ACSF3: variants seen among roughly 807,000 people sequenced by gnomAD.
The protein encoded by ACSF3 is acyl-CoA synthetase family member 3.
In ACSF3, 78 loss-of-function variants were observed where a neutral mutation model predicts 53.2. That is an observed-to-expected ratio of 1.47 (90% confidence interval 1.22 to 1.77). The LOEUF (loss-of-function observed/expected upper bound fraction) is 1.77, where lower values mean the gene tolerates loss of function less well. Ranked by LOEUF, ACSF3 falls within the 40% of genes most tolerant of loss-of-function variation. ACSF3 has a pLI of 0.00. For synonymous variants in ACSF3, 414 were observed against 333.1 expected, an observed-to-expected ratio of 1.24 and a Z score of -2.65; for missense variants, 937 against 771.1, an observed-to-expected ratio of 1.22 and a Z score of -2.55.
At chr16:89,141,238 C>T (rs1042775087) in intron 8 of ACSF3, 1 of 1,287,134 alleles carries the variant, frequency 7.8e-7, no homozygotes, top group Non-Finnish European at 1.0e-6. Context: ...AAGAACAAAA[C>T]CAGCCACTTT....
rs1389431439 is a variant in ACSF3, at chr16:89,101,138, C to T, written c.457C>T (p.Leu153=). Residue 153 remains leucine (L), a synonymous_variant, in exon 3 of 11, where the codon CTG becomes TTG. Coordinates refer to ENST00000614302, the MANE Select transcript of ACSF3 (RefSeq NM_001243279.3). ...TGTGGTCCTTGCCAGCCAGGAGTAC[C>T]TGGAGCTCCTGAGCCCGGTGGTCAG... ...SSVVLASQEY[L]ELLSPVVRKL... is the part of the protein sequence containing the mutation. 1 of 1,613,830 alleles carries T rather than the reference C, an allele frequency of 6.2e-7. No individual in the cohort carries two copies. The highest frequency in any genetic ancestry group is 1.3e-5 in the African/African-American group (1 of 74,928).
chr16:89,102,831 C>G, intron 4 of ACSF3, 72 bp downstream of exon 4: 1 of 1,582,628 alleles, frequency 6.3e-7, no homozygotes, highest in Non-Finnish European at 8.6e-7. Flanking sequence ...CCAGGGCTCT[C>G]AGCCGCGCCC....
intron 4 of ACSF3, among the ~76,000 whole-genome samples, chr16:89,109,118 G>A (rs1976365332): frequency 6.6e-6 from 1 of 151,216 alleles, no homozygotes; most frequent in Non-Finnish European, 1.5e-5. Flanking sequence ...TGTAATCCCA[G>A]CTACTCGGGA....
At chr16:89,104,271 A>G (rs8044145) in intron 4 of ACSF3, among the ~76,000 whole-genome samples, 107,159 of 152,160 alleles carry the variant, frequency 0.7, 38,348 homozygotes, top group Admixed American at 0.77. Flanking sequence ...AAGCCCTTAG[A>G]ATTTGGATCG....
chr16:89,096,050 G>C (rs973872373), intron 1 of ACSF3, among the ~76,000 whole-genome samples: 4 of 152,116 alleles, frequency 2.6e-5, no homozygotes, highest in African/African-American at 9.7e-5. Context: ...AACACCGAGA[G>C]GTCCTGCCTC....
chr16:89,123,123 G>GGTGCAGCAGGTGGA (rs1431615796), intron 7 of ACSF3, among the ~76,000 whole-genome samples: 3 of 152,162 alleles, frequency 2.0e-5, no homozygotes, highest in Non-Finnish European at 4.4e-5. Flanking sequence ...CCAAGGAGTC[G>GGTGCAGCAGGTGGA]GTGCAGCAGG....
chr16:89,132,856 C>T (rs564800141), intron 7 of ACSF3, among the ~76,000 whole-genome samples: 2 of 152,384 alleles, frequency 1.3e-5, no homozygotes, highest in African/African-American at 2.4e-5. Context: ...GGGGTAGGAG[C>T]ACGTTCTTCT....
chr16:89,110,992 T>C (rs1362187523), intron 4 of ACSF3, among the ~76,000 whole-genome samples: 4 of 152,260 alleles, frequency 2.6e-5, no homozygotes, highest in Non-Finnish European at 4.4e-5. Context: ...ATTAGGTCTA[T>C]TGAATGAATT....
rs1368369218 is a variant in ACSF3, at chr16:89,099,193, G to GGGGCGGTGTCCCGT, written c.-21+435_-21+448dup. Among the ~76,000 whole-genome samples, 14 of 152,376 alleles carry GGGGCGGTGTCCCGT rather than the reference G, an allele frequency of 9.2e-5. No homozygotes were observed. In the South Asian group the frequency reaches 2.1e-3, roughly 23 times the overall value. On this transcript the variant is annotated intron_variant, in intron 2 of 10. Coordinates refer to ENST00000614302, the MANE Select transcript of ACSF3 (RefSeq NM_001243279.3). ...TGCCCCTGGCCTGTGTCCGCATCCT[G>GGGGCGGTGTCCCGT]GGGCGGTGTCCCGTGGGCAGTGTCC...
Position 89,156,145 on chromosome 16 carries a change from T to A in ACSF3, c.*1938T>A, listed in dbSNP as rs55925642. On this transcript the variant is annotated 3_prime_UTR_variant, in exon 11 of 11. Coordinates refer to ENST00000614302, the MANE Select transcript of ACSF3 (RefSeq NM_001243279.3). ...GCCAGTGCCCAGCCAGGCCCCTGGT[T>A]CCCCTCTGCTCCACCAGCCGAGAAC... Among the ~76,000 whole-genome samples, 2,645 of 152,164 alleles carry A rather than the reference T, an allele frequency of 0.017. 70 individuals carry two copies. Among genetic ancestry groups the A allele is most frequent in the African/African-American group, 0.06 (2,493 of 41,492 alleles).
Position 89,154,417 on chromosome 16 carries a change from T to C in ACSF3, c.*210T>C. 1.5e-6 allele frequency: 1 copy of C among 674,814 alleles called. No individual in the cohort carries two copies. The highest frequency in any genetic ancestry group is 2.7e-6 in the Non-Finnish European group (1 of 369,888). 41.8% of individuals were successfully genotyped at this position (674,814 alleles called of 1,614,324 possible). The stretch of plus-strand genomic sequence containing the variant: ...TGCAGCTCAAGGAGACCGTCCCTGG[T>C]GTCACCTCTGCCTGGTCACCGCCGA... On this transcript the variant is annotated 3_prime_UTR_variant, in exon 11 of 11. Coordinates refer to ENST00000614302, the MANE Select transcript of ACSF3 (RefSeq NM_001243279.3).
At chr16:89,095,713 G>T (rs754741189) in intron 1 of ACSF3, among the ~76,000 whole-genome samples, 2 of 152,206 alleles carry the variant, frequency 1.3e-5, no homozygotes, top group African/African-American at 2.4e-5. Flanking sequence ...AATTTTTGTT[G>T]CGAGGCTCCA....
chr16:89,112,374 C>A, intron 5 of ACSF3, 128 bp downstream of exon 5: 2 of 1,191,092 alleles, frequency 1.7e-6, no homozygotes, highest in Non-Finnish European at 2.4e-6. Flanking sequence ...AATGTTCCCT[C>A]TCTCTCTACC....
At chr16:89,097,370 G>C (rs753394899) in intron 1 of ACSF3, among the ~76,000 whole-genome samples, 45 of 152,250 alleles carry the variant, frequency 3.0e-4, no homozygotes, top group Non-Finnish European at 6.5e-4. Context: ...TTGAGTGAGT[G>C]TCGCCGGCCG....
In ACSF3 at chr16:89,145,992, TG is replaced by T; in HGVS notation, c.1558del (p.Val520Ter). 1 of 1,466,212 alleles carries T rather than the reference TG, an allele frequency of 6.8e-7. No individual in the cohort carries two copies. The highest frequency in any genetic ancestry group is 9.2e-7 in the Non-Finnish European group (1 of 1,089,072). The allele number at this position is 1,466,212 out of a possible 1,614,324, so 90.8% of individuals were successfully genotyped here. A position where few individuals can be genotyped will look rare whatever the true frequency, so the allele number is the denominator to read the frequency against. On this transcript the variant is annotated frameshift_variant, in exon 10 of 11. Coordinates refer to ENST00000614302, the MANE Select transcript of ACSF3 (RefSeq NM_001243279.3). LOFTEE classifies it high-confidence loss of function. The part of the protein sequence containing the change: ...DMTWGQRVTA[V>X]VTLREGHSLS... ...ACATGGGGCCAGCGGGTCACTGCTG[TG>T]GTGACCCTCCGAGAAGGACACTCAC...
intron 6 of ACSF3, among the ~76,000 whole-genome samples, chr16:89,118,974 C>G (rs1382156720): frequency 6.6e-6 from 1 of 152,172 alleles, no homozygotes; most frequent in Non-Finnish European, 1.5e-5. Flanking sequence ...CGGGGCACAG[C>G]GAGCGGCACC....
Position 89,100,800 on chromosome 16 carries a change from C to T in ACSF3, c.119C>T (p.Ser40Leu), listed in dbSNP as rs747598756. 1.1e-4 allele frequency: 184 copies of T among 1,612,338 alleles called. 2 individuals carry two copies. In the South Asian group the frequency reaches 1.7e-3, roughly 15 times the overall value. Residue 40 changes from serine to leucine, a missense_variant, in exon 3 of 11, where the codon TCG (serine) becomes TTG (leucine). By Grantham distance (145) the Ser-to-Leu change is moderately radical. Transcript: ENST00000614302. Reference protein sequence around the residue: ...GLLHTAPVARSDRSAPVFTRA... With the variant: ...GLLHTAPVARLDRSAPVFTRA... ...CTGCACACAGCCCCAGTGGCCCGCTCGGACAGGAGCGCCCCGGTGTTCACC... is the reference window on the plus strand; with the variant it reads ...CTGCACACAGCCCCAGTGGCCCGCTTGGACAGGAGCGCCCCGGTGTTCACC...
intron 8 of ACSF3, among the ~76,000 whole-genome samples, chr16:89,136,096 AG>A (rs1910404059): frequency 6.6e-6 from 1 of 152,232 alleles, no homozygotes; most frequent in African/African-American, 2.4e-5. Context: ...TTTTAAATTC[AG>A]GTAAAAGCTG....
At chr16:89,153,540 G>A (rs574096036) in intron 10 of ACSF3, 4 of 162,614 alleles carry the variant, frequency 2.5e-5, no homozygotes, top group East Asian at 1.8e-4. Flanking sequence ...CTTAGGGGCC[G>A]TCCCTGCCGT....
Sources: gnomAD v4.1 joint callset for allele counts (sites outside exome capture counted in the v4.1 genomes callset) on GRCh38, gnomAD v4.1.1 for gene constraint, MANE v1.5 for transcripts, NCBI Gene and HGNC (gene_info 2026-07-23, HGNC 2026-07-21) for gene names.